The following USH2A variants were observed in gnomAD, a reference collection of about 807,000 sequenced individuals.
The protein encoded by USH2A is usherin, also known as Usher syndrome 2A (autosomal recessive, mild).
USH2A carries 443 observed loss-of-function variants against 538.9 expected under a neutral mutation model. The observed-to-expected ratio is 0.82, with a 90% CI of 0.76 to 0.89. The LOEUF (loss-of-function observed/expected upper bound fraction) is 0.89, where lower values mean the gene tolerates loss of function less well. Among genes scored for constraint, USH2A ranks in the 40% least tolerant of loss-of-function variants. The probability of loss-of-function intolerance (pLI) is 0.00; values close to 1 mark genes in which losing one functional copy is unlikely to be tolerated. For synonymous variants in USH2A, 2,413 were observed against 2,273.5 expected, an observed-to-expected ratio of 1.06 and a Z score of -1.75; for missense variants, 6,633 against 6,324.8, an observed-to-expected ratio of 1.05 and a Z score of -1.65.
intron 15 of USH2A, among the ~76,000 whole-genome samples, chr1:216,209,920 C>T (rs2035201674): frequency 6.6e-6 from 1 of 152,070 alleles, no homozygotes; most frequent in African/African-American, 2.4e-5. Context: ...TTTTTCTCCC[C>T]AAGGCAGGCC....
intron 21 of USH2A, among the ~76,000 whole-genome samples, chr1:216,139,361 T>A (rs573249574): frequency 6.6e-6 from 1 of 151,038 alleles, no homozygotes. Flanking sequence ...GAAGTTATAA[T>A]GGACCCTTGA....
intron 9 of USH2A, among the ~76,000 whole-genome samples, chr1:216,319,849 T>C (rs1177224643): frequency 6.6e-6 from 1 of 152,156 alleles, no homozygotes; most frequent in Admixed American, 6.5e-5. Flanking sequence ...CCTTTACAGA[T>C]GGTTTTTTAA....
At chr1:216,279,139 A>T (rs1388022241) in intron 11 of USH2A, among the ~76,000 whole-genome samples, 3 of 152,170 alleles carry the variant, frequency 2.0e-5, no homozygotes, top group East Asian at 3.8e-4. Context: ...TAACCTATTG[A>T]TGCTTTATTG....
intron 60 of USH2A, among the ~76,000 whole-genome samples, chr1:215,736,704 C>T (rs1178251601): frequency 6.6e-6 from 1 of 151,786 alleles, no homozygotes; most frequent in East Asian, 1.9e-4. Context: ...ATATATTATA[C>T]ATACCCCTCC....
intron 61 of USH2A, among the ~76,000 whole-genome samples, chr1:215,693,816 A>T (rs571846730): frequency 6.6e-6 from 1 of 152,342 alleles, no homozygotes; most frequent in African/African-American, 2.4e-5. Flanking sequence ...TAGTATGAAC[A>T]TAGTTTTTCC....
intron 32 of USH2A, among the ~76,000 whole-genome samples, chr1:216,004,869 A>G (rs913730961): frequency 2.6e-5 from 4 of 152,154 alleles, no homozygotes; most frequent in Non-Finnish European, 4.4e-5. Context: ...GAGACAATCT[A>G]TAGTAATGGG....
At chr1:215,983,574 A>G (rs1000360581) in intron 35 of USH2A, among the ~76,000 whole-genome samples, 13 of 152,160 alleles carry the variant, frequency 8.5e-5, no homozygotes, top group African/African-American at 3.1e-4. Context: ...CACTCTTAGC[A>G]TGAAGAAAGT....
At chr1:216,251,923 T>C (rs2036171228) in intron 11 of USH2A, among the ~76,000 whole-genome samples, 1 of 152,224 alleles carries the variant, frequency 6.6e-6, no homozygotes, top group South Asian at 2.1e-4. Flanking sequence ...ATATTGATCC[T>C]AATACATTTT....
At chr1:216,121,394 AT>A (rs1467995738) in intron 21 of USH2A, among the ~76,000 whole-genome samples, 2 of 141,232 alleles carry the variant, frequency 1.4e-5, no homozygotes, top group Non-Finnish European at 3.1e-5. Flanking sequence ...CTTGATTTAA[AT>A]TTTGCTGGTT....
At chr1:216,328,804 G>A (rs1479482474) in intron 4 of USH2A, among the ~76,000 whole-genome samples, 2 of 151,888 alleles carry the variant, frequency 1.3e-5, no homozygotes, top group Admixed American at 6.6e-5. Context: ...AAAAGAGTAT[G>A]TGTCTGTGTG....
chr1:216,109,498 A>G (rs554561900), intron 21 of USH2A, among the ~76,000 whole-genome samples: 2 of 152,252 alleles, frequency 1.3e-5, no homozygotes, highest in Admixed American at 6.5e-5. Context: ...TCCTTGACAG[A>G]CTCATAGAAA....
intron 61 of USH2A, among the ~76,000 whole-genome samples, chr1:215,691,994 G>GT (rs1344429854): frequency 6.6e-6 from 1 of 152,178 alleles, no homozygotes; most frequent in Non-Finnish European, 1.5e-5. Flanking sequence ...AAGGAAATCA[G>GT]TAATAGAAGC....
At chr1:216,061,978 C>T (rs1363844896) in intron 30 of USH2A, among the ~76,000 whole-genome samples, 1 of 152,090 alleles carries the variant, frequency 6.6e-6, no homozygotes, top group Non-Finnish European at 1.5e-5. Flanking sequence ...CAACTGGATG[C>T]CCAGTAAGAT....
chr1:216,369,302 C>T (rs760600518), intron 3 of USH2A, among the ~76,000 whole-genome samples: 2 of 152,146 alleles, frequency 1.3e-5, no homozygotes, highest in African/African-American at 2.4e-5. Context: ...CCCCTACCTA[C>T]GAACACGTGG....
chr1:215,806,423 C>T (rs565837623), intron 49 of USH2A, among the ~76,000 whole-genome samples: 1 of 152,002 alleles, frequency 6.6e-6, no homozygotes, highest in South Asian at 2.1e-4. Flanking sequence ...AGCTAATTAC[C>T]TGATGCCTTT....
chr1:216,392,546 C>A (rs989615927), intron 3 of USH2A, among the ~76,000 whole-genome samples: 12 of 149,966 alleles, frequency 8.0e-5, no homozygotes, highest in African/African-American at 2.9e-4. Flanking sequence ...CCTGAACTCT[C>A]ACACTAGGTC....
At chr1:216,138,612 T>G (rs2033535116) in intron 21 of USH2A, among the ~76,000 whole-genome samples, 1 of 152,208 alleles carries the variant, frequency 6.6e-6, no homozygotes, top group Non-Finnish European at 1.5e-5. Context: ...ATTGACCTTT[T>G]TATTGACTTC....
At chr1:216,369,003 G>A (rs1156847537) in intron 3 of USH2A, among the ~76,000 whole-genome samples, 1 of 152,072 alleles carries the variant, frequency 6.6e-6, no homozygotes, top group African/African-American at 2.4e-5. Flanking sequence ...CCCCTTAAAA[G>A]ATCATGATGG....
chr1:215,815,825 A>C (rs1280837388), intron 48 of USH2A, among the ~76,000 whole-genome samples: 1 of 151,984 alleles, frequency 6.6e-6, no homozygotes, highest in Non-Finnish European at 1.5e-5. Context: ...TTTGCCACTA[A>C]AGTTATAGGG....
Sources: gnomAD v4.1 joint callset for allele counts (sites outside exome capture counted in the v4.1 genomes callset) on GRCh38, gnomAD v4.1.1 for gene constraint, MANE v1.5 for transcripts, NCBI Gene and HGNC (gene_info 2026-07-23, HGNC 2026-07-21) for gene names.